The following OS9 variants were observed in gnomAD, a reference collection of about 807,000 sequenced individuals.
The protein encoded by OS9 is OS9 endoplasmic reticulum lectin.
In OS9, 58 loss-of-function variants were observed where a neutral mutation model predicts 84.7. That is an observed-to-expected ratio of 0.68 (90% CI 0.55 to 0.85). The LOEUF (loss-of-function observed/expected upper bound fraction) is 0.85. Among genes scored for constraint, OS9 ranks in the 40% least tolerant of loss-of-function variants. OS9 has a pLI of 0.00. For synonymous variants in OS9, 278 were observed against 320.8 expected (o/e 0.87, Z 1.43); for missense variants, 760 against 850.9 (o/e 0.89, Z 1.33).
chr12:57,719,068 AC>A lies in OS9; in HGVS notation c.1487del (p.Thr496IlefsTer18). On this transcript the variant is annotated frameshift_variant, in exon 12 of 15. Coordinates refer to ENST00000315970, the MANE Select transcript of OS9 (RefSeq NM_006812.4). LOFTEE classifies it high-confidence loss of function. ...RDRAMLALTS[T>X]LNKLIKRLEE... is the part of the protein sequence containing the mutation. ...TCGGGCAATGCTGGCTCTCACATCCACTCTCAACAAACTCATCAAAAGACTG... is the reference window on the plus strand; with the variant it reads ...TCGGGCAATGCTGGCTCTCACATCCATCTCAACAAACTCATCAAAAGACTG... 1 of 1,613,754 alleles carries A rather than the reference AC, an allele frequency of 6.2e-7. No individual in the cohort carries two copies. The highest frequency in any genetic ancestry group is 8.5e-7 in the Non-Finnish European group (1 of 1,179,872).
At chr12:57,711,022 G>C (rs929750010) in intron 5 of OS9, among the ~76,000 whole-genome samples, 2 of 122,176 alleles carry the variant, frequency 1.6e-5, no homozygotes, top group African/African-American at 6.1e-5. Flanking sequence ...CTGGGTGACT[G>C]AGCAAGACTC....
chr12:57,713,944 A>C (rs1360095514), intron 5 of OS9, among the ~76,000 whole-genome samples: 1 of 145,910 alleles, frequency 6.9e-6, no homozygotes, highest in East Asian at 1.9e-4. Context: ...CTGTCTCTAC[A>C]AAAAAATTTG....
rs781400828 is a variant in OS9 at position 57,717,889 on chromosome 12, G to A, written c.1065G>A (p.Gln355=). ...GAPNDFQNNV[Q]VKVIRSPADL... Reference sequence around the variant, plus strand: ...TCTCAGATTTTCAGAACAACGTGCAGGTCAAAGTCATTCGAAGCCCTGCGG... The same window carrying A: ...TCTCAGATTTTCAGAACAACGTGCAAGTCAAAGTCATTCGAAGCCCTGCGG... The change falls in exon 10 of 15, where the codon CAG becomes CAA. Residue 355 remains glutamine, a synonymous_variant. Coordinates refer to ENST00000315970, the MANE Select transcript of OS9 (RefSeq NM_006812.4). The A allele has an allele frequency of 5.6e-6, 9 of 1,611,844 alleles. No homozygotes were observed. The highest frequency in any genetic ancestry group is 1.7e-5 in the Admixed American group (1 of 59,652).
rs762008479 is a variant in OS9, at chr12:57,694,919, T to C, written c.332T>C (p.Leu111Ser). The C allele has an allele frequency of 6.2e-7, 1 of 1,614,030 alleles. No individual in the cohort carries two copies. Among genetic ancestry groups the C allele is most frequent in the Admixed American group, 1.7e-5 (1 of 60,018 alleles). Reference protein sequence around the residue: ...LLSPMRDAPCLLKTKDWWTYE... With the variant: ...LLSPMRDAPCSLKTKDWWTYE... ...AGCCCAATGAGAGATGCTCCCTGCT[T>C]GCTGAAGGTGAAAGGGACTGGGTTA... Residue 111 changes from leucine to serine, a missense_variant, in exon 2 of 15, where the codon TTG (leucine) becomes TCG (serine). Leu to Ser is a moderately radical substitution (Grantham distance 145). Coordinates refer to ENST00000315970, the MANE Select transcript of OS9 (RefSeq NM_006812.4).
At chr12:57,718,759 G>A (rs949314718) in intron 11 of OS9, among the ~76,000 whole-genome samples, 7 of 152,164 alleles carry the variant, frequency 4.6e-5, no homozygotes, top group African/African-American at 1.7e-4. Flanking sequence ...AAACAAATTG[G>A]CCAGGCATGG....
chr12:57,716,213 G>C lies in OS9; in HGVS notation c.892+20G>C. On this transcript the variant is annotated intron_variant, in intron 7 of 14. Coordinates refer to ENST00000315970, the MANE Select transcript of OS9 (RefSeq NM_006812.4). ...TGGCAGGTAGGACCTTGTTTCACCT[G>C]TTCCGTGAAACTCACTTCCATTTCT... The C allele has an allele frequency of 6.6e-7, 1 of 1,517,818 alleles. No homozygotes were observed. The highest frequency in any genetic ancestry group is 9.1e-7 in the Non-Finnish European group (1 of 1,103,548). The allele number at this position is 1,517,818 out of a possible 1,614,324, so 94.0% of individuals were successfully genotyped here. A position where few individuals can be genotyped will look rare whatever the true frequency, so the allele number is the denominator to read the frequency against.
intron 5 of OS9, 68 bp from the exon 6 acceptor site, chr12:57,715,692 A>ACCTGCT (rs1216658182): frequency 9.6e-6 from 11 of 1,148,156 alleles, no homozygotes; most frequent in Non-Finnish European, 1.3e-5. Flanking sequence ...AGTAAAAGAC[A>ACCTGCT]CCTGCTCTAA....
chr12:57,697,703 T>G (rs1053187557), intron 5 of OS9, among the ~76,000 whole-genome samples: 3 of 152,146 alleles, frequency 2.0e-5, no homozygotes, highest in Non-Finnish European at 2.9e-5. Context: ...AAGTACTCAT[T>G]GTATTTCTGC....
intron 4 of OS9, 117 bp from the exon 5 acceptor site, chr12:57,696,156 CAA>C: frequency 8.1e-7 from 1 of 1,227,950 alleles, no homozygotes; most frequent in Non-Finnish European, 1.2e-6. Flanking sequence ...GCCATTAGGA[CAA>C]AGTTTCCTGG....
At chr12:57,711,338 CTTTTTTTTTTT>C (rs34817746) in intron 5 of OS9, among the ~76,000 whole-genome samples, 3 of 63,506 alleles carry the variant, frequency 4.7e-5, no homozygotes, top group African/African-American at 1.9e-4. Context: ...GGCAGTATAT[CTTTTTTTTTTT>C]TTTTTTTTTT....
intron 5 of OS9, 60 bp downstream of exon 5, chr12:57,696,433 G>A: frequency 8.8e-6 from 5 of 565,532 alleles, no homozygotes; most frequent in South Asian, 2.4e-5. Context: ...TCTAAGGGAA[G>A]AGGGTTGCAT....
At chr12:57,719,386 C>T (rs931258374) in intron 12 of OS9, 8 of 581,214 alleles carry the variant, frequency 1.4e-5, no homozygotes, top group Non-Finnish European at 2.1e-5. Context: ...CTCTGGGAAG[C>T]AGCTTTTAGA....
In OS9 at chr12:57,718,232, A is replaced by T; in HGVS notation, c.1221A>T (p.Pro407=). The change falls in exon 11 of 15, where the codon CCA becomes CCT. Residue 407 remains proline (P), a synonymous_variant. Transcript: ENST00000315970. The part of the protein sequence containing the change: ...QREPEKERGD[P]ERQREMEEEE... ...AACCAGAGAAGGAAAGGGGTGATCCAGAACGGCAGAGAGAGATGGAAGAAG... is the reference window on the plus strand; with the variant it reads ...AACCAGAGAAGGAAAGGGGTGATCCTGAACGGCAGAGAGAGATGGAAGAAG... The T allele has an allele frequency of 6.2e-7, 1 of 1,614,216 alleles. No homozygotes were observed. The highest frequency in any genetic ancestry group is 8.5e-7 in the Non-Finnish European group (1 of 1,180,034).
chr12:57,716,772 C>T (rs375231288), intron 9 of OS9, 28 bp downstream of exon 9: 56 of 1,603,246 alleles, frequency 3.5e-5, no homozygotes, highest in Non-Finnish European at 4.5e-5. Flanking sequence ...GTCTCCTTTA[C>T]TGAATATATT....
intron 5 of OS9, among the ~76,000 whole-genome samples, chr12:57,705,830 T>A (rs942342537): frequency 6.6e-6 from 1 of 152,084 alleles, no homozygotes; most frequent in Non-Finnish European, 1.5e-5. Flanking sequence ...GGCCAAAAAT[T>A]CCGTTTTCTG....
intron 5 of OS9, 110 bp downstream of exon 5, chr12:57,696,483 A>ACCCTAAATCCAAAGTTTAAAACATATT: frequency 1.7e-6 from 1 of 599,038 alleles, no homozygotes; most frequent in Non-Finnish European, 2.9e-6. Context: ...CCCCTCCCAG[A>ACCCTAAATCCAAAGTTTAAAACATATT]CCCTAAATCC....
In OS9 at chr12:57,718,009, A is replaced by C. The variant is rs778439381; in HGVS notation, c.1134+51A>C. The C allele has an allele frequency of 2.0e-5, 31 of 1,559,624 alleles. No individual in the cohort carries two copies. The South Asian group carries it at 3.1e-4, about 16-fold the overall frequency. Reference sequence around the variant, plus strand: ...TAGAACCCACCTCCCAACTGCGAGCATTTGAAAAACTACCCTGACCTGGGA... The same window carrying C: ...TAGAACCCACCTCCCAACTGCGAGCCTTTGAAAAACTACCCTGACCTGGGA... On this transcript the variant is annotated intron_variant, in intron 10 of 14. Coordinates refer to ENST00000315970, the MANE Select transcript of OS9 (RefSeq NM_006812.4).
chr12:57,709,131 C>A (rs545392692), intron 5 of OS9, among the ~76,000 whole-genome samples: 33 of 152,282 alleles, frequency 2.2e-4, no homozygotes, highest in African/African-American at 7.9e-4. Flanking sequence ...TGTCCAAATT[C>A]TTTGCTCGTT....
At chr12:57,702,232 A>G (rs1357480796) in intron 5 of OS9, among the ~76,000 whole-genome samples, 1 of 152,154 alleles carries the variant, frequency 6.6e-6, no homozygotes, top group East Asian at 1.9e-4. Context: ...CATCATCCCA[A>G]ACAAAAATAA....
Sources: gnomAD v4.1 joint callset for allele counts (sites outside exome capture counted in the v4.1 genomes callset) on GRCh38, gnomAD v4.1.1 for gene constraint, MANE v1.5 for transcripts, NCBI Gene and HGNC (gene_info 2026-07-23, HGNC 2026-07-21) for gene names.